The following WWOX variants were observed in gnomAD, a reference collection of about 807,000 sequenced individuals.
WWOX encodes the protein WW domain-containing oxidoreductase.
A neutral mutation model predicts 46.2 loss-of-function variants in WWOX; 69 were observed. That is an observed-to-expected ratio of 1.49 (90% confidence interval 1.23 to 1.82). The LOEUF (loss-of-function observed/expected upper bound fraction) is 1.82. WWOX is among the 40% of genes most tolerant of loss of function. The probability of loss-of-function intolerance (pLI) is 0.00; values close to 1 mark genes in which losing one functional copy is unlikely to be tolerated. For synonymous variants in WWOX, 359 were observed against 202.6 expected (o/e 1.77, Z -6.56); for missense variants, 919 against 542.6 (o/e 1.69, Z -6.89).
rs2081738314 is a variant in WWOX at position 78,373,272 on chromosome 16, G to C, written c.517-13588G>C. On this transcript the variant is annotated intron_variant, in intron 5 of 8. Coordinates refer to ENST00000566780, the MANE Select transcript of WWOX (RefSeq NM_016373.4). ...AAAAGTCTTTCAGTGTAAAGACACAGATCCACATGGGTGTCTCTGATTGAC... is the reference window on the plus strand; with the variant it reads ...AAAAGTCTTTCAGTGTAAAGACACACATCCACATGGGTGTCTCTGATTGAC... 2.0e-5 allele frequency among the ~76,000 whole-genome samples: 3 copies of C among 152,180 alleles called. No individual in the cohort carries two copies. In the South Asian group the frequency reaches 6.2e-4, roughly 31 times the overall value.
chr16:79,006,619 G>GTAT (rs1312485947), intron 8 of WWOX, among the ~76,000 whole-genome samples: 2 of 151,792 alleles, frequency 1.3e-5, no homozygotes, highest in Non-Finnish European at 2.9e-5. Flanking sequence ...AAACCTAAAT[G>GTAT]TATTATCTGA....
chr16:78,992,258 C>T (rs929878836), intron 8 of WWOX, among the ~76,000 whole-genome samples: 1 of 152,216 alleles, frequency 6.6e-6, no homozygotes, highest in East Asian at 1.9e-4. Flanking sequence ...AGACCAACTC[C>T]CTTATCTGCC....
At chr16:78,651,679 C>T (rs968708487) in intron 8 of WWOX, among the ~76,000 whole-genome samples, 1 of 152,210 alleles carries the variant, frequency 6.6e-6, no homozygotes, top group Non-Finnish European at 1.5e-5. Context: ...CTTCTCCCAC[C>T]TGTGCAGGTG....
chr16:78,722,173 T>G (rs1207700698), intron 8 of WWOX, among the ~76,000 whole-genome samples: 1 of 152,208 alleles, frequency 6.6e-6, no homozygotes, highest in Admixed American at 6.5e-5. Context: ...ACTCCCTGTC[T>G]GTCCAGTAGA....
At chr16:78,925,051 C>T (rs376846474) in intron 8 of WWOX, among the ~76,000 whole-genome samples, 18 of 152,038 alleles carry the variant, frequency 1.2e-4, no homozygotes, top group African/African-American at 4.1e-4. Context: ...AAAAGTTAGC[C>T]AGGCATGGTG....
At chr16:78,956,303 A>C (rs1597203942) in intron 8 of WWOX, among the ~76,000 whole-genome samples, 1 of 151,860 alleles carries the variant, frequency 6.6e-6, no homozygotes, top group East Asian at 2.0e-4. Flanking sequence ...ATGCCACCAT[A>C]CCCAGCTCAT....
intron 8 of WWOX, among the ~76,000 whole-genome samples, chr16:78,667,197 G>T (rs1255527023): frequency 1.3e-5 from 2 of 152,156 alleles, no homozygotes; most frequent in South Asian, 2.1e-4. Flanking sequence ...GGGTGAACAT[G>T]TCTGCAACTC....
intron 5 of WWOX, among the ~76,000 whole-genome samples, chr16:78,214,252 G>T (rs909148368): frequency 6.6e-6 from 1 of 152,150 alleles, no homozygotes; most frequent in African/African-American, 2.4e-5. Context: ...TCAGACCGAG[G>T]GGTCCTAGTT....
At chr16:78,182,948 C>T (rs568351056) in intron 5 of WWOX, among the ~76,000 whole-genome samples, 2 of 114,490 alleles carry the variant, frequency 1.7e-5, no homozygotes, top group South Asian at 5.6e-4. Flanking sequence ...GAGAATCTGT[C>T]TCAAAAAAAA....
intron 8 of WWOX, among the ~76,000 whole-genome samples, chr16:78,782,798 A>G (rs536060812): frequency 3.1e-4 from 47 of 152,278 alleles, no homozygotes; most frequent in Middle Eastern, 3.4e-3. Flanking sequence ...GATGCAATCA[A>G]TCATTGATAA....
At chr16:78,537,548 G>C (rs185059265) in intron 8 of WWOX, among the ~76,000 whole-genome samples, 44 of 151,974 alleles carry the variant, frequency 2.9e-4, no homozygotes, top group Non-Finnish European at 6.2e-4. Flanking sequence ...AATCCGATTG[G>C]TCATGCTGAC....
At chr16:78,567,941 C>T (rs548204985) in intron 8 of WWOX, among the ~76,000 whole-genome samples, 4 of 152,162 alleles carry the variant, frequency 2.6e-5, no homozygotes, top group South Asian at 2.1e-4. Flanking sequence ...CGGGGCTCTG[C>T]GAGGTTTATT....
chr16:78,990,665 GAA>G (rs2046869523), intron 8 of WWOX, among the ~76,000 whole-genome samples: 1 of 152,084 alleles, frequency 6.6e-6, no homozygotes, highest in Admixed American at 6.6e-5. Context: ...AAGGAGGAAG[GAA>G]AAAGAGAGAG....
chr16:78,359,683 T>C (rs2081368289), intron 5 of WWOX, among the ~76,000 whole-genome samples: 1 of 152,196 alleles, frequency 6.6e-6, no homozygotes, highest in African/African-American at 2.4e-5. Context: ...AAATTTTCAT[T>C]GTGGAAATCA....
intron 8 of WWOX, among the ~76,000 whole-genome samples, chr16:79,139,366 T>C (rs2050044201): frequency 6.6e-6 from 1 of 152,164 alleles, no homozygotes; most frequent in Admixed American, 6.5e-5. Context: ...TTAATGTTGT[T>C]CTCTTGGTTT....
At chr16:78,836,710 A>T (rs1462895063) in intron 8 of WWOX, among the ~76,000 whole-genome samples, 1 of 152,160 alleles carries the variant, frequency 6.6e-6, no homozygotes. Flanking sequence ...AGCTCACTTA[A>T]TATCAGGCAG....
intron 5 of WWOX, among the ~76,000 whole-genome samples, chr16:78,327,955 C>T (rs2080667762): frequency 7.0e-6 from 1 of 142,436 alleles, no homozygotes; most frequent in Non-Finnish European, 1.5e-5. Context: ...TGGCTCATGG[C>T]AACCTCAAAC....
At chr16:78,514,220 C>A (rs906885692) in intron 8 of WWOX, among the ~76,000 whole-genome samples, 11 of 152,160 alleles carry the variant, frequency 7.2e-5, no homozygotes, top group Admixed American at 1.3e-4. Context: ...CTAAAAAGAG[C>A]AGATTTTAAT....
chr16:79,002,839 A>G (rs12929415), intron 8 of WWOX, among the ~76,000 whole-genome samples: 1 of 152,014 alleles, frequency 6.6e-6, no homozygotes, highest in African/African-American at 2.4e-5. Flanking sequence ...AAGTTATACT[A>G]CCTCTTCGAG....
Sources: allele counts gnomAD v4.1 joint callset (sites outside exome capture counted in the v4.1 genomes callset), GRCh38; gene constraint gnomAD v4.1.1; transcripts MANE v1.5; gene names NCBI Gene and HGNC (gene_info 2026-07-23, HGNC 2026-07-21).